The following PLCB1 variants were observed in gnomAD, a reference collection of about 807,000 sequenced individuals.
The protein encoded by PLCB1 is phospholipase C beta 1.
Under a neutral mutation model 161.8 loss-of-function variants are expected in PLCB1, and 46 were observed. The observed-to-expected ratio is 0.28, with a 90% confidence interval of 0.22 to 0.36. PLCB1 has a LOEUF of 0.36. Ranked by LOEUF, PLCB1 falls within the 10% of genes least tolerant of loss-of-function variation. The pLI is 1.00. For synonymous variants in PLCB1, 517 were observed against 503.7 expected (o/e 1.03, Z -0.35); for missense variants, 1,016 against 1,472.5 (o/e 0.69, Z 5.07).
At chr20:8,643,608 G>T (rs1245517347) in intron 4 of PLCB1, among the ~76,000 whole-genome samples, 1 of 152,164 alleles carries the variant, frequency 6.6e-6, no homozygotes, top group Admixed American at 6.5e-5. Context: ...CAAAAAAACA[G>T]GTGGCAAAGC....
intron 3 of PLCB1, among the ~76,000 whole-genome samples, chr20:8,393,041 A>G (rs1015494269): frequency 5.3e-5 from 8 of 152,194 alleles, no homozygotes; most frequent in African/African-American, 1.9e-4. Flanking sequence ...AACCTAACTA[A>G]TTAGACAGTA....
intron 2 of PLCB1, among the ~76,000 whole-genome samples, chr20:8,243,529 A>G (rs1600257621): frequency 6.6e-6 from 1 of 151,848 alleles, no homozygotes; most frequent in Admixed American, 6.6e-5. Context: ...GGAGCTATGT[A>G]CCTCCTAATG....
At chr20:8,161,588 T>A (rs1223355959) in intron 2 of PLCB1, among the ~76,000 whole-genome samples, 1 of 152,204 alleles carries the variant, frequency 6.6e-6, no homozygotes, top group Non-Finnish European at 1.5e-5. Context: ...ATTTTTTTCC[T>A]TGGATTTGTT....
chr20:8,430,862 G>T (rs921489219), intron 3 of PLCB1, among the ~76,000 whole-genome samples: 2 of 152,092 alleles, frequency 1.3e-5, no homozygotes, highest in African/African-American at 2.4e-5. Flanking sequence ...GGAGGCTGAG[G>T]CAGGAGGCTC....
In PLCB1 at chr20:8,699,300, A is replaced by G. The variant is rs542337700; in HGVS notation, c.1167+1517A>G. Among the ~76,000 whole-genome samples, 13 of 152,336 alleles carry G rather than the reference A, an allele frequency of 8.5e-5. No homozygotes were observed. In the East Asian group the frequency reaches 2.3e-3, roughly 27 times the overall value. On this transcript the variant is annotated intron_variant, in intron 11 of 31. Coordinates refer to ENST00000338037, the MANE Select transcript of PLCB1 (RefSeq NM_015192.4). ...AGGTGAGTGGAGACAAGGCCATTGA[A>G]CATGGGAGATCAGAGTACTGAGAAG...
At chr20:8,756,982 G>A in intron 23 of PLCB1, 64 bp from the exon 24 acceptor site, 3 of 1,454,266 alleles carry the variant, frequency 2.1e-6, no homozygotes, top group Non-Finnish European at 2.8e-6. Flanking sequence ...AGCCTTGTTG[G>A]TTTAGGAAGG....
At chr20:8,572,994 TGAA>T in intron 3 of PLCB1, among the ~76,000 whole-genome samples, 1 of 152,218 alleles carries the variant, frequency 6.6e-6, no homozygotes, top group East Asian at 1.9e-4. Context: ...AGTGTGCAGA[TGAA>T]GAAAATTTCT....
chr20:8,172,717 C>CT lies in PLCB1; in HGVS notation c.177+22349dup, dbSNP rs552339836. Among the ~76,000 whole-genome samples, 163 of 152,248 alleles carry CT rather than the reference C, an allele frequency of 1.1e-3. 3 individuals carry two copies. In the South Asian group the frequency reaches 0.033, roughly 30 times the overall value. ...TTAGATATTGGACCTGAACATTTTT[C>CT]TTTGTTCTTCTTCCCTAAGTACAAC... On this transcript the variant is annotated intron_variant, in intron 2 of 31. Transcript: ENST00000338037.
intron 31 of PLCB1, among the ~76,000 whole-genome samples, chr20:8,805,425 A>G (rs1469265612): frequency 6.6e-6 from 1 of 152,264 alleles, no homozygotes; most frequent in African/African-American, 2.4e-5. Context: ...AGTAATTATT[A>G]ATGCCTGCTT....
At chr20:8,554,505 A>G (rs565681533) in intron 3 of PLCB1, among the ~76,000 whole-genome samples, 10 of 152,304 alleles carry the variant, frequency 6.6e-5, no homozygotes, top group Admixed American at 5.9e-4. Flanking sequence ...CTGAAGAGAC[A>G]CAAAATGGAC....
rs189950356 is a variant in PLCB1 at position 8,806,784 on chromosome 20, C to G, written c.3423+16523C>G. ...TTTATGAAGCCCTACTACTTACCCTCAGGATGCTAGGCATTCTAAAGGAAT... is the reference window on the plus strand; with the variant it reads ...TTTATGAAGCCCTACTACTTACCCTGAGGATGCTAGGCATTCTAAAGGAAT... On this transcript the variant is annotated intron_variant, in intron 31 of 31. Transcript: ENST00000338037. 2.0e-5 allele frequency among the ~76,000 whole-genome samples: 3 copies of G among 152,268 alleles called. No individual in the cohort carries two copies. The East Asian group carries it at 5.8e-4, about 29-fold the overall frequency.
intron 3 of PLCB1, among the ~76,000 whole-genome samples, chr20:8,446,676 A>G (rs1980847845): frequency 1.3e-5 from 2 of 152,176 alleles, no homozygotes; most frequent in Non-Finnish European, 2.9e-5. Flanking sequence ...TCAGACCAAT[A>G]CCTGATTTTT....
rs76550950 is a variant in PLCB1, at chr20:8,638,988, C to CTTTTCTTTTCTTTTCTTT, written c.385-7113_385-7112insTTTCTTTTCTTTTCTTTT. 3.1e-3 allele frequency among the ~76,000 whole-genome samples: 466 copies of CTTTTCTTTTCTTTTCTTT among 151,558 alleles called. 1 individual carries two copies. Among genetic ancestry groups the CTTTTCTTTTCTTTTCTTT allele is most frequent in the African/African-American group, 0.011 (452 of 41,296 alleles). On this transcript the variant is annotated intron_variant, in intron 4 of 31. Transcript: ENST00000338037. ...AGTTTTTCTTTTCTTTTCTTTTTTT[C>CTTTTCTTTTCTTTTCTTT]TCATGTAGCCGGAACCCTGAAGGTA... is the stretch of plus-strand genomic sequence containing the variant.
chr20:8,376,755 C>T (rs1442321908), intron 3 of PLCB1, among the ~76,000 whole-genome samples: 8 of 151,890 alleles, frequency 5.3e-5, no homozygotes, highest in Admixed American at 1.3e-4. Context: ...AGTGAAACCC[C>T]GTCTCTACTA....
chr20:8,297,447 A>G (rs984086710), intron 2 of PLCB1, among the ~76,000 whole-genome samples: 3 of 152,202 alleles, frequency 2.0e-5, no homozygotes, highest in Non-Finnish European at 4.4e-5. Context: ...ACATCGATAT[A>G]CAAATTAGTC....
chr20:8,467,507 A>G (rs1981872242), intron 3 of PLCB1, among the ~76,000 whole-genome samples: 1 of 152,128 alleles, frequency 6.6e-6, no homozygotes, highest in African/African-American at 2.4e-5. Context: ...AAGTTAAGCT[A>G]TTATGGAATT....
intron 3 of PLCB1, among the ~76,000 whole-genome samples, chr20:8,501,204 A>C (rs1353283918): frequency 6.6e-6 from 1 of 152,138 alleles, no homozygotes; most frequent in African/African-American, 2.4e-5. Context: ...ACAAGGACCA[A>C]CCTCTGCCAA....
At chr20:8,636,475 A>G (rs1988765815) in intron 4 of PLCB1, among the ~76,000 whole-genome samples, 2 of 152,208 alleles carry the variant, frequency 1.3e-5, no homozygotes, top group Non-Finnish European at 2.9e-5. Flanking sequence ...CACAACTTAA[A>G]CTTTTATATT....
At chr20:8,792,454 T>A (rs1194009419) in intron 31 of PLCB1, 1 of 440,688 alleles carries the variant, frequency 2.3e-6, no homozygotes, top group Non-Finnish European at 4.6e-6. Flanking sequence ...GTAGACAGGT[T>A]ACATACAGTG....
Sources: allele counts gnomAD v4.1 joint callset (sites outside exome capture counted in the v4.1 genomes callset), GRCh38; gene constraint gnomAD v4.1.1; transcripts MANE v1.5; gene names NCBI Gene and HGNC (gene_info 2026-07-23, HGNC 2026-07-21).